Variants in DLG2 observed in about 807,000 individuals in gnomAD.
DLG2 encodes the protein discs large MAGUK scaffold protein 2, also known as disks large homolog 2.
A neutral mutation model predicts 132.5 loss-of-function variants in DLG2; 45 were observed. That is an observed-to-expected ratio of 0.34 (90% CI 0.27 to 0.44). DLG2 has a LOEUF of 0.44. DLG2 is among the 20% of genes least tolerant of loss of function. The pLI, the probability that DLG2 is intolerant of heterozygous loss-of-function variation, is 1.00. For missense variants in DLG2, 1,045 were observed against 1,196.9 expected (o/e 0.87, Z 1.87); for synonymous variants, 424 against 419.6 (o/e 1.01, Z -0.13).
At chr11:85,293,323 G>A (rs906847621) in intron 3 of DLG2, among the ~76,000 whole-genome samples, 6 of 152,198 alleles carry the variant, frequency 3.9e-5, no homozygotes, top group Non-Finnish European at 8.8e-5. Context: ...TTTGGGAGGC[G>A]AACGCAGGAG....
intron 6 of DLG2, among the ~76,000 whole-genome samples, chr11:85,017,887 C>T (rs1359445319): frequency 2.6e-5 from 4 of 152,122 alleles, no homozygotes; most frequent in Non-Finnish European, 5.9e-5. Flanking sequence ...GTCCAAGACA[C>T]GTTGGAGTGC....
intron 8 of DLG2, among the ~76,000 whole-genome samples, chr11:84,166,078 A>T (rs2095655345): frequency 6.6e-6 from 1 of 152,208 alleles, no homozygotes; most frequent in African/African-American, 2.4e-5. Context: ...TTCAGAAAAG[A>T]CATTGGAAAG....
chr11:85,309,383 T>C lies in DLG2; in HGVS notation c.41-24018A>G, dbSNP rs145008139. 9.2e-4 allele frequency among the ~76,000 whole-genome samples: 138 copies of C among 150,264 alleles called. 2 individuals are homozygous for C. Among genetic ancestry groups the C allele is most frequent in the African/African-American group, 3.2e-3 (130 of 40,804 alleles). On this transcript the variant is annotated intron_variant, in intron 3 of 27. Transcript: ENST00000376104. ...TTACAGTAATAGCAAACTGATGAAT[T>C]CCAATTTTATATATGGACCACAGAC...
chr11:85,529,243 G>A (rs2075020253), intron 3 of DLG2, among the ~76,000 whole-genome samples: 2 of 152,108 alleles, frequency 1.3e-5, no homozygotes, highest in African/African-American at 4.8e-5. Flanking sequence ...TCCACGTAAA[G>A]AGCCCTACCA....
rs1200959532 is a variant in DLG2, at chr11:85,274,785, GTAAGTCA to G, written c.186+10428_186+10434del. On this transcript the variant is annotated intron_variant, in intron 4 of 27. Transcript: ENST00000376104. ...TTGTAAATAAATTATCTGTTTGATCGTAAGTCATAAGACTCCCATTCCAGAAAGGTTC... is the reference window on the plus strand; with the variant it reads ...TTGTAAATAAATTATCTGTTTGATCGTAAGACTCCCATTCCAGAAAGGTTC... 1.3e-5 allele frequency among the ~76,000 whole-genome samples: 2 copies of G among 152,002 alleles called. 1 individual carries two copies. Among genetic ancestry groups the G allele is most frequent in the Admixed American group, 1.3e-4 (2 of 15,258 alleles).
At chr11:84,912,476 T>A (rs1263779214) in intron 6 of DLG2, among the ~76,000 whole-genome samples, 1 of 152,240 alleles carries the variant, frequency 6.6e-6, no homozygotes, top group East Asian at 1.9e-4. Flanking sequence ...TATTTTAACA[T>A]CTTCTGAATG....
chr11:83,974,578 A>G (rs547460896), intron 12 of DLG2, among the ~76,000 whole-genome samples: 17 of 152,194 alleles, frequency 1.1e-4, no homozygotes, highest in Non-Finnish European at 2.4e-4. Context: ...GCTAAAATTC[A>G]TTGAGAATCT....
intron 17 of DLG2, among the ~76,000 whole-genome samples, chr11:83,811,652 A>G (rs1451047780): frequency 6.6e-6 from 1 of 152,132 alleles, no homozygotes; most frequent in Non-Finnish European, 1.5e-5. Flanking sequence ...AGTTTTAGGA[A>G]GTTTAAATTT....
chr11:84,220,385 T>C (rs1301687702), intron 8 of DLG2, among the ~76,000 whole-genome samples: 1 of 152,180 alleles, frequency 6.6e-6, no homozygotes, highest in Non-Finnish European at 1.5e-5. Flanking sequence ...GATTTACTAT[T>C]TACCATAGGT....
intron 7 of DLG2, among the ~76,000 whole-genome samples, chr11:84,467,957 A>C (rs936909424): frequency 6.6e-6 from 1 of 151,556 alleles, no homozygotes; most frequent in Non-Finnish European, 1.5e-5. Flanking sequence ...AATCCAGGAA[A>C]TATGAACATT....
At chr11:84,898,741 T>G (rs1194870384) in intron 6 of DLG2, among the ~76,000 whole-genome samples, 19 of 151,942 alleles carry the variant, frequency 1.3e-4, no homozygotes, top group Admixed American at 1.2e-3. Context: ...TTTCTTACCT[T>G]ACCTGCCTTT....
At position 83,905,296 on chromosome 11, in the gene DLG2, C is replaced by T. The variant is rs532054646; in HGVS notation, c.1496+25032G>A. On this transcript the variant is annotated intron_variant, in intron 15 of 27. Transcript: ENST00000376104. ...AGGGTCATGATACATATTAGTCCAA[C>T]TGTTAAGCAGTTTCTCTCACTTTTG... Among the ~76,000 whole-genome samples, 19 of 152,254 alleles carry T rather than the reference C, an allele frequency of 1.2e-4. No homozygotes were observed. The South Asian group carries it at 2.5e-3, about 20-fold the overall frequency.
At position 84,529,292 on chromosome 11, in the gene DLG2, A is replaced by G. The variant is rs1218672601; in HGVS notation, c.519+5278T>C. On this transcript the variant is annotated intron_variant, in intron 7 of 27. Transcript: ENST00000376104. ...CAACACAGTCCTGGAAATCCTAGAC[A>G]AAGCAATCAGGCAAGAGAAAGAGGT... Among the ~76,000 whole-genome samples, 5 of 152,200 alleles carry G rather than the reference A, an allele frequency of 3.3e-5. No individual in the cohort carries two copies. In the East Asian group the frequency reaches 9.6e-4, roughly 29 times the overall value.
At chr11:83,777,473 A>T (rs960834217) in intron 18 of DLG2, among the ~76,000 whole-genome samples, 1 of 152,196 alleles carries the variant, frequency 6.6e-6, no homozygotes, top group Non-Finnish European at 1.5e-5. Context: ...CTGCATCTTT[A>T]ATGTCCTGAA....
intron 6 of DLG2, among the ~76,000 whole-genome samples, chr11:85,085,070 G>C (rs996656704): frequency 3.3e-5 from 5 of 151,928 alleles, no homozygotes; most frequent in Non-Finnish European, 7.4e-5. Flanking sequence ...TGATTCTGTT[G>C]GTTATTTTTT....
At chr11:84,266,772 T>G (rs750407062) in intron 7 of DLG2, among the ~76,000 whole-genome samples, 1 of 152,190 alleles carries the variant, frequency 6.6e-6, no homozygotes, top group Non-Finnish European at 1.5e-5. Flanking sequence ...TCAGGAGACA[T>G]AGTTTAAGAA....
intron 3 of DLG2, among the ~76,000 whole-genome samples, chr11:85,292,310 C>A (rs1415423559): frequency 6.6e-6 from 1 of 151,910 alleles, no homozygotes; most frequent in Non-Finnish European, 1.5e-5. Flanking sequence ...AGAAAAGTTT[C>A]TTTAAGAATA....
intron 6 of DLG2, among the ~76,000 whole-genome samples, chr11:84,948,145 C>A (rs1458592572): frequency 6.6e-6 from 1 of 152,132 alleles, no homozygotes; most frequent in African/African-American, 2.4e-5. Context: ...TTCCTGCCAC[C>A]CCTGCAGGAT....
chr11:83,566,282 T>C (rs667730), intron 19 of DLG2, among the ~76,000 whole-genome samples: 72,390 of 151,904 alleles, frequency 0.48, 17,885 homozygotes, highest in Admixed American at 0.57. Flanking sequence ...TCCTAATAGG[T>C]CAGCAACTTT....
Sources: gnomAD v4.1 joint callset for allele counts (sites outside exome capture counted in the v4.1 genomes callset) on GRCh38, gnomAD v4.1.1 for gene constraint, MANE v1.5 for transcripts, NCBI Gene and HGNC (gene_info 2026-07-23, HGNC 2026-07-21) for gene names.